Variants in ADAMTS5 observed in about 807,000 individuals in gnomAD.
ADAMTS5 encodes ADAM metallopeptidase with thrombospondin type 1 motif 5.
Under a neutral mutation model 81.4 loss-of-function variants are expected in ADAMTS5, and 54 were observed. The ratio of observed to expected loss-of-function variants is 0.66; its 90% CI spans 0.53 to 0.83. The LOEUF (loss-of-function observed/expected upper bound fraction) is 0.83, where lower values mean the gene tolerates loss of function less well. ADAMTS5 is among the 40% of genes least tolerant of loss of function. ADAMTS5 has a pLI of 0.00. For synonymous variants in ADAMTS5, 532 were observed against 508.8 expected (o/e 1.05, Z -0.61); for missense variants, 1,194 against 1,229.9 (o/e 0.97, Z 0.44).
intron 1 of ADAMTS5, among the ~76,000 whole-genome samples, chr21:26,957,681 A>G (rs1987454528): frequency 6.6e-6 from 1 of 152,178 alleles, no homozygotes; most frequent in Admixed American, 6.5e-5. Flanking sequence ...GTGGACAGTA[A>G]TGCAGTGGAA....
rs546824150 is a variant in ADAMTS5, at chr21:26,966,231, C to T, written c.161G>A (p.Arg54Gln). Reference sequence around the variant, plus strand: ...GTGCGGGTGGCCGGGAGGCTCGGCTCGCTCCTGCACCTCCTCCCCCTGCCG... The same window carrying T: ...GTGCGGGTGGCCGGGAGGCTCGGCTTGCTCCTGCACCTCCTCCCCCTGCCG... ...RRRQGEEVQE[R>Q]AEPPGHPHPL... is the part of the protein sequence containing the mutation. The change falls in exon 1 of 8, where the codon CGA becomes CAA. Residue 54 changes from arginine to glutamine, a missense_variant. Coordinates refer to ENST00000284987, the MANE Select transcript of ADAMTS5 (RefSeq NM_007038.5). 2.5e-6 allele frequency: 4 copies of T among 1,599,380 alleles called. No homozygotes were observed. Among genetic ancestry groups the T allele is most frequent in the African/African-American group, 2.7e-5 (2 of 74,542 alleles).
At position 26,965,765 on chromosome 21, in the gene ADAMTS5, G is replaced by C; in HGVS notation, c.627C>G (p.Cys209Trp). The C allele has an allele frequency of 6.2e-7, 1 of 1,600,012 alleles. No individual in the cohort carries two copies. Among genetic ancestry groups the C allele is most frequent in the Non-Finnish European group, 8.5e-7 (1 of 1,173,826 alleles). Reference sequence around the variant, plus strand: ...CCTCCGGTGTGGACGCGGGGGTTTCGCAGCTGGCGCGCGGCGGCAGGGCCT... The same window carrying C: ...CCTCCGGTGTGGACGCGGGGGTTTCCCAGCTGGCGCGCGGCGGCAGGGCCT... ...SFEALPPRAS[C>W]ETPASTPEAH... The change falls in exon 1 of 8, where the codon TGC (cysteine) becomes TGG (tryptophan). Residue 209 changes from cysteine (C) to tryptophan (W), a missense_variant. Physicochemically the swap from Cys to Trp is radical, Grantham distance 215. Transcript: ENST00000284987.
At chr21:26,931,348 G>C (rs1357614805) in intron 6 of ADAMTS5, among the ~76,000 whole-genome samples, 1 of 152,068 alleles carries the variant, frequency 6.6e-6, no homozygotes, top group Admixed American at 6.6e-5. Flanking sequence ...CCCAGCCATA[G>C]GTGATTTTAA....
intron 1 of ADAMTS5, among the ~76,000 whole-genome samples, chr21:26,965,006 T>C (rs1416248606): frequency 2.0e-5 from 3 of 152,228 alleles, no homozygotes; most frequent in African/African-American, 7.2e-5. Flanking sequence ...TGCCTTCTTA[T>C]GTTTACGTTC....
rs767170883 is a variant in ADAMTS5 at position 26,924,628 on chromosome 21, T to C, written c.2226-8A>G. ...ACGTCAGTGTAACCCTTACTGGAAG[T>C]AGGAATGTTCACAGGAAGTGGGGGA... On this transcript the variant is annotated splice_region_variant and splice_polypyrimidine_tract_variant and intron_variant, in intron 7 of 7. Transcript: ENST00000284987. 2.5e-6 allele frequency: 4 copies of C among 1,594,046 alleles called. No individual in the cohort carries two copies.
chr21:26,941,107 T>C (rs1987106272), intron 3 of ADAMTS5, among the ~76,000 whole-genome samples: 1 of 152,210 alleles, frequency 6.6e-6, no homozygotes, highest in South Asian at 2.1e-4. Flanking sequence ...ATTCATGTTA[T>C]AAGCTACTGA....
At chr21:26,965,191 C>T (rs1038343121) in intron 1 of ADAMTS5, 97 bp downstream of exon 1, 28 of 1,487,050 alleles carry the variant, frequency 1.9e-5, no homozygotes, top group African/African-American at 7.0e-5. Flanking sequence ...TCCACAGCTG[C>T]AGGAGGTTTG....
intron 1 of ADAMTS5, among the ~76,000 whole-genome samples, chr21:26,964,789 G>T (rs777734308): frequency 2.0e-5 from 3 of 152,180 alleles, no homozygotes; most frequent in Non-Finnish European, 4.4e-5. Flanking sequence ...GTAACAGAAG[G>T]GATTCTAGTA....
chr21:26,940,410 A>T (rs1987091663), intron 3 of ADAMTS5, among the ~76,000 whole-genome samples: 1 of 152,180 alleles, frequency 6.6e-6, no homozygotes, highest in Non-Finnish European at 1.5e-5. Flanking sequence ...ATATAGCACT[A>T]ACTTGAGGGA....
rs1986659489 is a variant in ADAMTS5 at position 26,919,948 on chromosome 21, A to G, written c.*4105T>C. On this transcript the variant is annotated 3_prime_UTR_variant, in exon 8 of 8. Transcript: ENST00000284987. ...GCTTTAAATGACCATTTCTGTACAC[A>G]TGGCTATTTCATTTATTTAGTAGTT... The G allele has an allele frequency of 6.6e-6, 1 of 152,132 alleles. No homozygotes were observed. The highest frequency in any genetic ancestry group is 1.5e-5 in the Non-Finnish European group (1 of 67,990). 9.4% of individuals were successfully genotyped at this position (152,132 alleles called of 1,614,324 possible).
chr21:26,932,107 A>G lies in ADAMTS5; in HGVS notation c.1946T>C (p.Phe649Ser), dbSNP rs1601001850. The G allele has an allele frequency of 1.2e-6, 2 of 1,614,178 alleles. No individual in the cohort carries two copies. The highest frequency in any genetic ancestry group is 4.5e-5 in the East Asian group (2 of 44,878). Residue 649 changes from phenylalanine (F) to serine (S), a missense_variant, in exon 6 of 8, where the codon TTT (phenylalanine) becomes TCT (serine). Coordinates refer to ENST00000284987, the MANE Select transcript of ADAMTS5 (RefSeq NM_007038.5). ...YQSDAKGVKT[F>S]VEWVPKYAGV... ...TGCATATTTGGGAACCCATTCCACA[A>G]AAGTTTTGACTCCTTTTGCATCAGA...
At chr21:26,925,487 G>T (rs972320136) in intron 7 of ADAMTS5, among the ~76,000 whole-genome samples, 9 of 152,170 alleles carry the variant, frequency 5.9e-5, no homozygotes, top group African/African-American at 2.2e-4. Context: ...AAAAAATGGG[G>T]AAAGACACAA....
chr21:26,924,508 T>C lies in ADAMTS5; in HGVS notation c.2338A>G (p.Lys780Glu). 6.2e-7 allele frequency: 1 copy of C among 1,614,222 alleles called. No individual in the cohort carries two copies. Among genetic ancestry groups the C allele is most frequent in the African/African-American group, 1.3e-5 (1 of 75,064 alleles). Residue 780 changes from lysine (K) to glutamate (E), a missense_variant, in exon 8 of 8, where the codon AAA (lysine) becomes GAA (glutamate). Coordinates refer to ENST00000284987, the MANE Select transcript of ADAMTS5 (RefSeq NM_007038.5). ...RFTAYLALKK[K>E]NGEYLINGKY... The stretch of plus-strand genomic sequence containing the variant: ...CCATTGATAAGGTACTCACCGTTTT[T>C]CTTTTTCAGGGCTAAATAGGCAGTG...
intron 5 of ADAMTS5, 106 bp from the exon 6 acceptor site, chr21:26,932,285 T>A: frequency 1.6e-6 from 2 of 1,230,170 alleles, no homozygotes; most frequent in Non-Finnish European, 2.2e-6. Context: ...AACGTGTTTT[T>A]TTTATCCCAC....
rs202109841 is a variant in ADAMTS5, at chr21:26,954,802, G to T, written c.1174C>A (p.Arg392Ser). 5 of 1,613,966 alleles carry T rather than the reference G, an allele frequency of 3.1e-6. No homozygotes were observed. The highest frequency in any genetic ancestry group is 4.2e-6 in the Non-Finnish European group (5 of 1,180,006). Residue 392 changes from arginine (R) to serine (S), a missense_variant, in exon 2 of 8, where the codon CGC (arginine) becomes AGC (serine). Coordinates refer to ENST00000284987, the MANE Select transcript of ADAMTS5 (RefSeq NM_007038.5). ...TCGTCTTCAATCACAGCACAGCTGC[G>T]CTCTGGAGAACATATGGTCCCAACG... The part of the protein sequence containing the change: ...ADVGTICSPE[R>S]SCAVIEDDGL...
At position 26,934,636 on chromosome 21, in the gene ADAMTS5, C is replaced by A. The variant is rs748614241; in HGVS notation, c.1519G>T (p.Val507Leu). ...CNLTFGPEYS[V>L]CPGMDVCARL... ...GCACAGACATCCATGCCGGGACACA[C>A]GGAGTACTCAGGCCCGAATGTCAGG... Residue 507 changes from valine to leucine, a missense_variant, in exon 4 of 8, where the codon GTG becomes TTG. Coordinates refer to ENST00000284987, the MANE Select transcript of ADAMTS5 (RefSeq NM_007038.5). 1.9e-6 allele frequency: 3 copies of A among 1,614,180 alleles called. No homozygotes were observed. The Admixed American group carries it at 5.0e-5, about 27-fold the overall frequency.
At chr21:26,930,194 C>G (rs1601000734) in intron 6 of ADAMTS5, 133 bp from the exon 7 acceptor site, 2 of 692,236 alleles carry the variant, frequency 2.9e-6, no homozygotes, top group Non-Finnish European at 4.5e-6. Flanking sequence ...AAAAAAAAAG[C>G]CAAAAAAACA....
At chr21:26,961,330 A>G (rs969691363) in intron 1 of ADAMTS5, among the ~76,000 whole-genome samples, 4 of 152,234 alleles carry the variant, frequency 2.6e-5, no homozygotes, top group African/African-American at 9.6e-5. Context: ...TCTAAATCCA[A>G]TCTATCCATC....
rs1057010766 is a variant in ADAMTS5 at position 26,923,627 on chromosome 21, C to T, written c.*426G>A. 2.6e-5 allele frequency: 4 copies of T among 156,708 alleles called. No homozygotes were observed. The highest frequency in any genetic ancestry group is 1.9e-4 in the Admixed American group (3 of 16,082). 9.7% of individuals were successfully genotyped at this position (156,708 alleles called of 1,614,324 possible). On this transcript the variant is annotated 3_prime_UTR_variant, in exon 8 of 8. Coordinates refer to ENST00000284987, the MANE Select transcript of ADAMTS5 (RefSeq NM_007038.5). Reference sequence around the variant, plus strand: ...ATATATATGGATATTTTAATAGAACCAGGGGATATAAAGTGACATACCAAG... The same window carrying T: ...ATATATATGGATATTTTAATAGAACTAGGGGATATAAAGTGACATACCAAG...
Sources: allele counts gnomAD v4.1 joint callset (sites outside exome capture counted in the v4.1 genomes callset), GRCh38; gene constraint gnomAD v4.1.1; transcripts MANE v1.5; gene names NCBI Gene and HGNC (gene_info 2026-07-23, HGNC 2026-07-21).